Variants in AUTS2 observed in about 807,000 individuals in gnomAD.
The protein encoded by AUTS2 is autism susceptibility gene 2 protein.
AUTS2 carries 17 observed loss-of-function variants against 112.4 expected under a neutral mutation model. The observed-to-expected ratio is 0.15, with a 90% confidence interval of 0.10 to 0.23. The LOEUF is 0.23. AUTS2 is among the 10% of genes least tolerant of loss of function. The probability of loss-of-function intolerance (pLI) is 1.00; values close to 1 mark genes in which losing one functional copy is unlikely to be tolerated. For missense variants in AUTS2, 1,510 were observed against 1,701.6 expected (o/e 0.89, Z 1.98); for synonymous variants, 751 against 702.7 (o/e 1.07, Z -1.09).
rs34637651 is a variant in AUTS2 at position 70,191,161 on chromosome 7, C to CTTTTTTTTT, written c.660+56607_660+56615dup. On this transcript the variant is annotated intron_variant, in intron 4 of 18. Transcript: ENST00000342771. ...GCTTTCAAATGTCATCCACTTATTT[C>CTTTTTTTTT]TTTTTTTTTTTTTTTTTTTTTTTTT... 3.0e-3 allele frequency among the ~76,000 whole-genome samples: 255 copies of CTTTTTTTTT among 86,408 alleles called. 2 individuals are homozygous for CTTTTTTTTT. The highest frequency in any genetic ancestry group is 3.6e-3 in the Non-Finnish European group (170 of 47,576). 56.7% of individuals were successfully genotyped at this position (86,408 alleles called of 152,430 possible).
chr7:70,417,994 C>G (rs527793365), intron 4 of AUTS2, among the ~76,000 whole-genome samples: 1 of 152,076 alleles, frequency 6.6e-6, no homozygotes, highest in African/African-American at 2.4e-5. Flanking sequence ...TTGGACCTCC[C>G]TGGGATTGGG....
At chr7:69,701,626 T>C (rs1797812744) in intron 1 of AUTS2, among the ~76,000 whole-genome samples, 1 of 152,222 alleles carries the variant, frequency 6.6e-6, no homozygotes, top group Non-Finnish European at 1.5e-5. Context: ...CTGGGAGCCA[T>C]TCGTAAGTGA....
chr7:70,086,264 A>G (rs2129566251), intron 2 of AUTS2, among the ~76,000 whole-genome samples: 1 of 152,320 alleles, frequency 6.6e-6, no homozygotes, highest in South Asian at 2.1e-4. Context: ...CAAAAAATTG[A>G]TATCTTAGCA....
intron 1 of AUTS2, among the ~76,000 whole-genome samples, chr7:69,881,798 A>T (rs1465024773): frequency 6.6e-6 from 1 of 152,166 alleles, no homozygotes; most frequent in South Asian, 2.1e-4. Context: ...CTGGAACTTT[A>T]TATGGTGCTA....
chr7:70,392,959 ACCC>A (rs988069766), intron 4 of AUTS2, among the ~76,000 whole-genome samples: 1 of 152,178 alleles, frequency 6.6e-6, no homozygotes, highest in African/African-American at 2.4e-5. Context: ...GCCATTTCTT[ACCC>A]CCAAGGACAT....
intron 4 of AUTS2, among the ~76,000 whole-genome samples, chr7:70,136,354 G>A (rs1411703291): frequency 6.6e-6 from 1 of 152,108 alleles, no homozygotes; most frequent in Non-Finnish European, 1.5e-5. Flanking sequence ...TGACAAAAAT[G>A]CCCTGCTAGG....
intron 5 of AUTS2, among the ~76,000 whole-genome samples, chr7:70,585,857 TA>T (rs1223393338): frequency 0.046 from 9 of 194 alleles, no homozygotes; most frequent in Admixed American, 0.1. Flanking sequence ...TTTATTTATT[TA>T]TGTATGTATA....
At chr7:70,360,397 C>T (rs1474278367) in intron 4 of AUTS2, among the ~76,000 whole-genome samples, 1 of 152,164 alleles carries the variant, frequency 6.6e-6, no homozygotes, top group African/African-American at 2.4e-5. Flanking sequence ...TCTGTCGTCT[C>T]CCAAAGTGCT....
chr7:70,140,948 C>T (rs1456730658), intron 4 of AUTS2, among the ~76,000 whole-genome samples: 11 of 152,142 alleles, frequency 7.2e-5, no homozygotes, highest in Admixed American at 5.2e-4. Context: ...AACGTGTAAG[C>T]ATGGCTCTCA....
At chr7:69,616,424 C>G (rs952555596) in intron 1 of AUTS2, among the ~76,000 whole-genome samples, 3 of 152,084 alleles carry the variant, frequency 2.0e-5, no homozygotes, top group African/African-American at 7.2e-5. Context: ...CCTAGAGGCT[C>G]AGTGGTAGGT....
At chr7:70,091,269 G>A (rs1443316804) in intron 2 of AUTS2, among the ~76,000 whole-genome samples, 1 of 152,066 alleles carries the variant, frequency 6.6e-6, no homozygotes, top group Non-Finnish European at 1.5e-5. Context: ...CTAGTATTGA[G>A]CAATTTTTTT....
At position 69,951,173 on chromosome 7, in the gene AUTS2, A is replaced by G. The variant is rs201276511; in HGVS notation, c.522+51675A>G. 1.1e-4 allele frequency among the ~76,000 whole-genome samples: 16 copies of G among 152,288 alleles called. No homozygotes were observed. The East Asian group carries it at 3.1e-3, about 29-fold the overall frequency. On this transcript the variant is annotated intron_variant, in intron 2 of 18. Transcript: ENST00000342771. ...TGCAATTGTATTTGACTCAGCAAAA[A>G]TAGTTTTTATAATTTGTCAACAGAA... is the stretch of plus-strand genomic sequence containing the variant.
At chr7:70,269,208 C>T (rs1221741183) in intron 4 of AUTS2, among the ~76,000 whole-genome samples, 1 of 152,214 alleles carries the variant, frequency 6.6e-6, no homozygotes, top group African/African-American at 2.4e-5. Context: ...CTTCTCCTCA[C>T]AGCAGGTAGG....
At chr7:69,647,231 AT>A (rs1010816286) in intron 1 of AUTS2, among the ~76,000 whole-genome samples, 1 of 152,092 alleles carries the variant, frequency 6.6e-6, no homozygotes, top group Non-Finnish European at 1.5e-5. Context: ...TTCAGACTCA[AT>A]TTTTTTCTTA....
At chr7:70,642,390 TATC>T (rs1805882749) in intron 5 of AUTS2, among the ~76,000 whole-genome samples, 1 of 7,476 alleles carries the variant, frequency 1.3e-4, no homozygotes, top group Non-Finnish European at 2.8e-4. Flanking sequence ...AGTCTTTTTC[TATC>T]CTTCGTGCAC....
chr7:69,751,971 C>T (rs909279045), intron 1 of AUTS2, among the ~76,000 whole-genome samples: 2 of 152,204 alleles, frequency 1.3e-5, no homozygotes, highest in Admixed American at 1.3e-4. Flanking sequence ...ACAGTACTCA[C>T]TAAAAGTTAA....
intron 4 of AUTS2, among the ~76,000 whole-genome samples, chr7:70,205,667 T>A (rs1044041103): frequency 6.6e-6 from 1 of 152,176 alleles, no homozygotes; most frequent in African/African-American, 2.4e-5. Context: ...TTTTTGTAAG[T>A]ATACTCTATG....
At chr7:70,531,830 A>G (rs1008871356) in intron 5 of AUTS2, among the ~76,000 whole-genome samples, 1 of 152,154 alleles carries the variant, frequency 6.6e-6, no homozygotes, top group African/African-American at 2.4e-5. Context: ...AGCTTTTGTT[A>G]TATAACAAAC....
chr7:70,355,459 T>A (rs909831397), intron 4 of AUTS2, among the ~76,000 whole-genome samples: 4 of 152,118 alleles, frequency 2.6e-5, no homozygotes, highest in Non-Finnish European at 5.9e-5. Context: ...CCCCCTCAAA[T>A]GTCTTCCAGA....
Sources: allele counts gnomAD v4.1 joint callset (sites outside exome capture counted in the v4.1 genomes callset), GRCh38; gene constraint gnomAD v4.1.1; transcripts MANE v1.5; gene names NCBI Gene and HGNC (gene_info 2026-07-23, HGNC 2026-07-21).